SEC14L5: variants seen among roughly 807,000 people sequenced by gnomAD.
SEC14L5 encodes SEC14 like lipid binding 5.
In SEC14L5, 96 loss-of-function variants were observed where a neutral mutation model predicts 84.6. The observed-to-expected ratio is 1.13, with a 90% CI of 0.96 to 1.34. The LOEUF (loss-of-function observed/expected upper bound fraction) is 1.34, where lower values mean the gene tolerates loss of function less well. Ranked by LOEUF, SEC14L5 falls within the 40% of genes most tolerant of loss-of-function variation. The probability of loss-of-function intolerance (pLI) is 0.00; values close to 1 mark genes in which losing one functional copy is unlikely to be tolerated. For missense variants in SEC14L5, 1,224 were observed against 942.5 expected (o/e 1.30, Z -3.91); for synonymous variants, 546 against 383.4 (o/e 1.42, Z -4.95).
At chr16:4,981,792 C>T (rs187150695) in intron 2 of SEC14L5, among the ~76,000 whole-genome samples, 1 of 152,282 alleles carries the variant, frequency 6.6e-6, no homozygotes, top group African/African-American at 2.4e-5. Flanking sequence ...AATGATGAAA[C>T]AGGCCCAGAG....
intron 12 of SEC14L5, 102 bp from the exon 13 acceptor site, chr16:5,007,250 C>T: frequency 1.9e-6 from 2 of 1,066,626 alleles, no homozygotes; most frequent in Non-Finnish European, 2.7e-6. Flanking sequence ...TAAGGGGTTG[C>T]AATTATGAGT....
At chr16:5,010,850 C>G in intron 14 of SEC14L5, 1 of 490,596 alleles carries the variant, frequency 2.0e-6, no homozygotes, top group Non-Finnish European at 3.6e-6. Context: ...AGTTGCACCC[C>G]CACCCCCAGG....
At chr16:4,980,242 G>C (rs185177478) in intron 2 of SEC14L5, among the ~76,000 whole-genome samples, 1 of 152,344 alleles carries the variant, frequency 6.6e-6, no homozygotes, top group Non-Finnish European at 1.5e-5. Flanking sequence ...CTCTGATGCT[G>C]GACAACTGGC....
chr16:4,998,476 C>T (rs969758955), intron 8 of SEC14L5, among the ~76,000 whole-genome samples: 52 of 151,568 alleles, frequency 3.4e-4, no homozygotes, highest in Non-Finnish European at 6.0e-4. Flanking sequence ...CGGTGGCTCA[C>T]GCCTGTAATC....
At chr16:4,987,168 AG>A (rs36125598) in intron 2 of SEC14L5, among the ~76,000 whole-genome samples, 1 of 150,316 alleles carries the variant, frequency 6.7e-6, no homozygotes, top group African/African-American at 2.4e-5. Context: ...TACCAGGCGG[AG>A]GAAGTGCCCT....
In SEC14L5 at chr16:4,958,433, G is replaced by A. The variant is rs1955077757; in HGVS notation, c.-64G>A. 6.6e-6 allele frequency: 1 copy of A among 151,696 alleles called. No homozygotes were observed. The highest frequency in any genetic ancestry group is 2.4e-5 in the African/African-American group (1 of 40,966). 9.4% of individuals were successfully genotyped at this position (151,696 alleles called of 1,614,324 possible). A position where few individuals can be genotyped will look rare whatever the true frequency, so the allele number is the denominator to read the frequency against. On this transcript the variant is annotated 5_prime_UTR_variant, in exon 1 of 16. Transcript: ENST00000251170. The stretch of plus-strand genomic sequence containing the variant: ...ACACCAGGCTAGAGATCCGCGATCG[G>A]GCCCCGCCTCAGGTACTGCGCTCCA...
intron 13 of SEC14L5, 116 bp from the exon 14 acceptor site, chr16:5,008,305 G>A (rs540438870): frequency 7.4e-5 from 53 of 712,104 alleles, no homozygotes; most frequent in Non-Finnish European, 1.0e-4. Flanking sequence ...AGGAATGAGC[G>A]TGTGCCTGGG....
At chr16:4,999,917 A>C (rs1304953101) in intron 8 of SEC14L5, among the ~76,000 whole-genome samples, 3 of 152,026 alleles carry the variant, frequency 2.0e-5, no homozygotes, top group African/African-American at 7.3e-5. Flanking sequence ...TCTGTCTCAA[A>C]AACCAACAAA....
chr16:4,980,496 G>A (rs966755678), intron 2 of SEC14L5, among the ~76,000 whole-genome samples: 3 of 152,146 alleles, frequency 2.0e-5, no homozygotes, highest in African/African-American at 7.2e-5. Context: ...GGCTGCGTGT[G>A]CTGAGTCTGT....
In SEC14L5 at chr16:5,016,813, A is replaced by G. The variant is rs543208533; in HGVS notation, c.*1843A>G. The stretch of plus-strand genomic sequence containing the variant: ...CAGATACATCCTTCTTCCTGCTGGG[A>G]GAGAGCCTTGCCCACCTTCCTGTTG... On this transcript the variant is annotated 3_prime_UTR_variant, in exon 16 of 16. Transcript: ENST00000251170. 1.3e-5 allele frequency: 2 copies of G among 152,326 alleles called. No homozygotes were observed. Among genetic ancestry groups the G allele is most frequent in the Admixed American group, 6.5e-5 (1 of 15,302 alleles). The allele number at this position is 152,326 out of a possible 1,614,324, so 9.4% of individuals were successfully genotyped here.
At chr16:5,002,318 A>G (rs200973807) in intron 10 of SEC14L5, among the ~76,000 whole-genome samples, 1 of 30,034 alleles carries the variant, frequency 3.3e-5, no homozygotes, top group Non-Finnish European at 8.9e-5. Flanking sequence ...TTTTTTTTTG[A>G]CAGAGTCTCG....
chr16:4,985,617 C>A (rs1012514704), intron 2 of SEC14L5, among the ~76,000 whole-genome samples: 1 of 152,078 alleles, frequency 6.6e-6, no homozygotes, highest in Non-Finnish European at 1.5e-5. Flanking sequence ...TGTCTTGACA[C>A]CTTTGTAAAA....
intron 2 of SEC14L5, among the ~76,000 whole-genome samples, chr16:4,969,639 C>T (rs2142479833): frequency 6.6e-6 from 1 of 152,218 alleles, no homozygotes; most frequent in East Asian, 1.9e-4. Flanking sequence ...CCACCTTGGC[C>T]TCCCAAAGTG....
intron 11 of SEC14L5, among the ~76,000 whole-genome samples, chr16:5,005,448 G>T (rs62036197): frequency 0.24 from 35,992 of 151,882 alleles, 5,224 homozygotes; most frequent in Admixed American, 0.36. Flanking sequence ...TCCTTCTGGG[G>T]TGATGAACAT....
At chr16:4,973,695 T>G (rs1391647612) in intron 2 of SEC14L5, among the ~76,000 whole-genome samples, 2 of 150,740 alleles carry the variant, frequency 1.3e-5, no homozygotes, top group East Asian at 3.9e-4. Flanking sequence ...TTTTTTTTTT[T>G]TTTTTGAGAC....
chr16:5,003,381 C>G (rs1415514847), intron 10 of SEC14L5, 21 bp from the exon 11 acceptor site: 3 of 1,605,220 alleles, frequency 1.9e-6, no homozygotes. Context: ...CCAGGTGGAG[C>G]TGGGGCTATT....
intron 7 of SEC14L5, 49 bp from the exon 8 acceptor site, chr16:4,996,806 T>C (rs1162703450): frequency 7.0e-7 from 1 of 1,428,420 alleles, no homozygotes; most frequent in Admixed American, 2.1e-5. Context: ...TTTTATCTGC[T>C]GGGTCAGGGG....
intron 2 of SEC14L5, among the ~76,000 whole-genome samples, chr16:4,973,786 G>C (rs778058976): frequency 2.0e-5 from 3 of 149,418 alleles, no homozygotes; most frequent in Non-Finnish European, 4.4e-5. Context: ...GGGTTCAAAC[G>C]ACTGTTGTGC....
chr16:4,959,450 C>A, intron 2 of SEC14L5, 64 bp downstream of exon 2: 4 of 1,376,764 alleles, frequency 2.9e-6, no homozygotes, highest in Non-Finnish European at 3.1e-6. Flanking sequence ...TCAGCTATGG[C>A]GGTAGGAAGA....
Sources: allele counts gnomAD v4.1 joint callset (sites outside exome capture counted in the v4.1 genomes callset), GRCh38; gene constraint gnomAD v4.1.1; transcripts MANE v1.5; gene names NCBI Gene and HGNC (gene_info 2026-07-23, HGNC 2026-07-21).